The following CSMD3 variants were observed in gnomAD, a reference collection of about 807,000 sequenced individuals.
CSMD3 encodes CUB and Sushi multiple domains 3.
Under a neutral mutation model 435.2 loss-of-function variants are expected in CSMD3, and 177 were observed. The observed-to-expected ratio is 0.41, with a 90% confidence interval of 0.36 to 0.46. The LOEUF (loss-of-function observed/expected upper bound fraction) is 0.46, where lower values mean the gene tolerates loss of function less well. Ranked by LOEUF, CSMD3 falls within the 20% of genes least tolerant of loss-of-function variation. The pLI is 0.34. For missense variants in CSMD3, 4,265 were observed against 4,504.6 expected (o/e 0.95, Z 1.52); for synonymous variants, 1,656 against 1,520.5 (o/e 1.09, Z -2.07).
chr8:112,371,152 G>GCCTAGCC (rs1306336544), intron 38 of CSMD3, among the ~76,000 whole-genome samples: 1 of 152,138 alleles, frequency 6.6e-6, no homozygotes, highest in Non-Finnish European at 1.5e-5. Flanking sequence ...AGAGGTGAGG[G>GCCTAGCC]CCTAGCCCAC....
intron 10 of CSMD3, among the ~76,000 whole-genome samples, chr8:112,879,114 G>A (rs931846506): frequency 2.5e-4 from 38 of 152,112 alleles, no homozygotes; most frequent in Non-Finnish European, 3.1e-4. Flanking sequence ...GCAGGACAGA[G>A]ACATATTTCC....
At chr8:112,873,624 T>A (rs914999616) in intron 10 of CSMD3, among the ~76,000 whole-genome samples, 1 of 152,056 alleles carries the variant, frequency 6.6e-6, no homozygotes, top group Non-Finnish European at 1.5e-5. Flanking sequence ...GCTCAACAAA[T>A]GTTTTTAAAT....
intron 6 of CSMD3, among the ~76,000 whole-genome samples, chr8:112,989,976 G>A (rs1446846587): frequency 3.3e-5 from 5 of 151,894 alleles, no homozygotes. Flanking sequence ...TAAGTCTCAT[G>A]AGATCGGATA....
chr8:113,165,010 A>C (rs2092122751), intron 4 of CSMD3, among the ~76,000 whole-genome samples: 2 of 152,160 alleles, frequency 1.3e-5, no homozygotes, highest in Non-Finnish European at 1.5e-5. Flanking sequence ...TGCAAAGAGC[A>C]AAAGAATACC....
intron 38 of CSMD3, among the ~76,000 whole-genome samples, chr8:112,366,295 C>T (rs2131149181): frequency 6.6e-6 from 1 of 152,260 alleles, no homozygotes; most frequent in East Asian, 1.9e-4. Context: ...AAAGCTTCAC[C>T]AGAGAGTCCT....
At chr8:113,099,024 G>GT in intron 4 of CSMD3, 61 bp from the exon 5 acceptor site, 1 of 1,049,940 alleles carries the variant, frequency 9.5e-7, no homozygotes, top group Non-Finnish European at 1.5e-6. Context: ...TTGTTCAGTT[G>GT]TAAGTAAAGC....
chr8:112,750,826 C>T (rs2077552859), intron 13 of CSMD3, among the ~76,000 whole-genome samples: 2 of 151,896 alleles, frequency 1.3e-5, no homozygotes, highest in South Asian at 4.2e-4. Flanking sequence ...TACAGTTGAC[C>T]CTTGAACAGC....
At chr8:112,569,908 C>T (rs1171994015) in intron 24 of CSMD3, among the ~76,000 whole-genome samples, 1 of 152,144 alleles carries the variant, frequency 6.6e-6, no homozygotes, top group Non-Finnish European at 1.5e-5. Context: ...ACCTGATCCT[C>T]CCTAGACAAA....
chr8:112,321,791 A>C (rs2130878318), intron 45 of CSMD3, among the ~76,000 whole-genome samples: 1 of 152,250 alleles, frequency 6.6e-6, no homozygotes, highest in Non-Finnish European at 1.5e-5. Flanking sequence ...TGCAAGTAAA[A>C]CACCACTGTA....
chr8:113,205,124 C>G (rs958587007), intron 3 of CSMD3, among the ~76,000 whole-genome samples: 2 of 151,968 alleles, frequency 1.3e-5, no homozygotes, highest in African/African-American at 4.8e-5. Context: ...GCTAGGATTA[C>G]ATACACCCGT....
chr8:113,183,467 C>T (rs2092452487), intron 3 of CSMD3, among the ~76,000 whole-genome samples: 1 of 151,930 alleles, frequency 6.6e-6, no homozygotes, highest in Non-Finnish European at 1.5e-5. Flanking sequence ...TTGGAGCTAC[C>T]TTGAGGTGAT....
chr8:112,959,536 G>T (rs1248902514), intron 7 of CSMD3, among the ~76,000 whole-genome samples: 2 of 151,706 alleles, frequency 1.3e-5, no homozygotes, highest in African/African-American at 4.8e-5. Flanking sequence ...GTTTATTTCT[G>T]CTTCATTGTA....
At chr8:112,575,922 T>C (rs989076920) in intron 23 of CSMD3, among the ~76,000 whole-genome samples, 1 of 152,086 alleles carries the variant, frequency 6.6e-6, no homozygotes, top group East Asian at 1.9e-4. Flanking sequence ...AATCAAATCA[T>C]TTAACCACTA....
chr8:112,470,838 T>G (rs895936861), intron 32 of CSMD3, among the ~76,000 whole-genome samples: 1 of 152,052 alleles, frequency 6.6e-6, no homozygotes, highest in African/African-American at 2.4e-5. Context: ...ATGCAACATT[T>G]GTAAAATAAA....
chr8:113,219,282 T>C (rs1292360106), intron 3 of CSMD3, among the ~76,000 whole-genome samples: 1 of 151,080 alleles, frequency 6.6e-6, no homozygotes, highest in South Asian at 2.1e-4. Flanking sequence ...AGAAGAGAAG[T>C]AAAACTATAC....
chr8:113,401,624 T>C (rs1220777172), intron 1 of CSMD3, among the ~76,000 whole-genome samples: 4 of 151,688 alleles, frequency 2.6e-5, no homozygotes, highest in Non-Finnish European at 4.4e-5. Context: ...TATTTACTTT[T>C]ATGCTTCCAA....
intron 6 of CSMD3, among the ~76,000 whole-genome samples, chr8:113,014,146 T>C (rs1177535982): frequency 6.6e-6 from 1 of 152,134 alleles, no homozygotes; most frequent in Non-Finnish European, 1.5e-5. Context: ...ATTGTGGCCA[T>C]GGTTTCTAAC....
intron 5 of CSMD3, among the ~76,000 whole-genome samples, chr8:113,045,425 CTCT>C (rs1224998869): frequency 6.7e-6 from 1 of 149,238 alleles, no homozygotes; most frequent in Non-Finnish European, 1.5e-5. Context: ...ATACATCTAA[CTCT>C]TCTTCTAAAT....
chr8:112,237,109 A>G (rs1813659653), intron 67 of CSMD3, 81 bp downstream of exon 67: 1 of 1,432,550 alleles, frequency 7.0e-7, no homozygotes, highest in Non-Finnish European at 9.8e-7. Context: ...TCACCATATA[A>G]AAAGCATTAC....
Sources: gnomAD v4.1 joint callset for allele counts (sites outside exome capture counted in the v4.1 genomes callset) on GRCh38, gnomAD v4.1.1 for gene constraint, MANE v1.5 for transcripts, NCBI Gene and HGNC (gene_info 2026-07-23, HGNC 2026-07-21) for gene names.